ADAMTS18: variants seen among roughly 807,000 people sequenced by gnomAD.
The protein encoded by ADAMTS18 is ADAM metallopeptidase with thrombospondin type 1 motif 18.
Under a neutral mutation model 165.9 loss-of-function variants are expected in ADAMTS18, and 157 were observed. The observed-to-expected ratio is 0.95, with a 90% CI of 0.83 to 1.08. ADAMTS18 has a LOEUF of 1.08. ADAMTS18 is among the 50% of genes least tolerant of loss of function. ADAMTS18 has a pLI of 0.00. For missense variants in ADAMTS18, 2,040 were observed against 1,534.0 expected, an observed-to-expected ratio of 1.33 and a Z score of -5.51; for synonymous variants, 782 against 578.2, an observed-to-expected ratio of 1.35 and a Z score of -5.06.
chr16:77,375,925 C>G (rs1329194895), intron 3 of ADAMTS18, among the ~76,000 whole-genome samples: 3 of 76,528 alleles, frequency 3.9e-5, no homozygotes, highest in Non-Finnish European at 7.2e-5. Context: ...TTTTTTGAGA[C>G]GGAGTTTGGC....
At position 77,305,986 on chromosome 16, in the gene ADAMTS18, T is replaced by C. The variant is rs559561718; in HGVS notation, c.2533-5582A>G. On this transcript the variant is annotated intron_variant, in intron 16 of 22. Coordinates refer to ENST00000282849, the MANE Select transcript of ADAMTS18 (RefSeq NM_199355.4). The stretch of plus-strand genomic sequence containing the variant: ...TCAGCATTCCTGGAGAACACAAACA[T>C]GCTCAGGGTACAGGAGCACCGCATC... Among the ~76,000 whole-genome samples the C allele has an allele frequency of 6.7e-4, 102 of 152,282 alleles. 1 individual carries two copies. The highest frequency in any genetic ancestry group is 2.4e-3 in the African/African-American group (99 of 41,560).
chr16:77,394,955 A>G (rs2057237615), intron 3 of ADAMTS18, among the ~76,000 whole-genome samples: 1 of 152,126 alleles, frequency 6.6e-6, no homozygotes, highest in Admixed American at 6.5e-5. Context: ...TGTTCCTTCC[A>G]CCATTTCTAT....
intron 6 of ADAMTS18, 43 bp from the exon 7 acceptor site, chr16:77,362,307 A>G (rs1348473850): frequency 1.2e-6 from 2 of 1,605,968 alleles, no homozygotes; most frequent in African/African-American, 2.7e-5. Flanking sequence ...TTTGTCACAG[A>G]GATGAGAATG....
intron 9 of ADAMTS18, among the ~76,000 whole-genome samples, chr16:77,355,243 T>C (rs1277133666): frequency 6.6e-6 from 1 of 151,374 alleles, no homozygotes; most frequent in Non-Finnish European, 1.5e-5. Flanking sequence ...TATTTCAACT[T>C]TGGGTTAATT....
chr16:77,325,812 A>G, intron 13 of ADAMTS18, 54 bp downstream of exon 13: 1 of 1,548,226 alleles, frequency 6.5e-7, no homozygotes, highest in Non-Finnish European at 8.9e-7. Context: ...GTATTGGTCA[A>G]TCACATTATT....
intron 3 of ADAMTS18, among the ~76,000 whole-genome samples, chr16:77,385,232 A>G (rs1176816279): frequency 6.6e-6 from 1 of 152,148 alleles, no homozygotes; most frequent in Non-Finnish European, 1.5e-5. Context: ...TTGATATAAG[A>G]TTAGTATCCC....
intron 16 of ADAMTS18, among the ~76,000 whole-genome samples, chr16:77,316,373 G>T (rs915915262): frequency 2.6e-5 from 4 of 151,570 alleles, no homozygotes; most frequent in Admixed American, 2.6e-4. Context: ...TTCTGCCTCA[G>T]CCTGTTGAGT....
In ADAMTS18 at chr16:77,343,317, G is replaced by A. The variant is rs1489812791; in HGVS notation, c.1615-1518C>T. On this transcript the variant is annotated intron_variant, in intron 10 of 22. Transcript: ENST00000282849. ...TCGAACTCCCAACCTCAGGTGATCT[G>A]CCCGCCTTGGCCTCCCAAAGTGCTA... Among the ~76,000 whole-genome samples, 4 of 152,134 alleles carry A rather than the reference G, an allele frequency of 2.6e-5. No homozygotes were observed. The East Asian group carries it at 7.7e-4, about 29-fold the overall frequency.
In ADAMTS18 at chr16:77,335,963, G is replaced by A. The variant is rs557983913; in HGVS notation, c.1711-59C>T. The A allele has an allele frequency of 7.8e-5, 125 of 1,602,214 alleles. 1 individual carries two copies. The African/African-American group carries it at 1.6e-3, about 20-fold the overall frequency. On this transcript the variant is annotated intron_variant, in intron 11 of 22. Coordinates refer to ENST00000282849, the MANE Select transcript of ADAMTS18 (RefSeq NM_199355.4). ...GAGACCACCTGGGAAAGCGCAGGGA[G>A]TTGCCAACACCTGCACAGTAACAGG... is the stretch of plus-strand genomic sequence containing the variant.
chr16:77,411,046 C>T (rs1169898520), intron 3 of ADAMTS18, among the ~76,000 whole-genome samples: 2 of 152,182 alleles, frequency 1.3e-5, no homozygotes, highest in African/African-American at 4.8e-5. Flanking sequence ...GCCAATGAAA[C>T]ATGAATATCA....
Position 77,338,323 on chromosome 16 carries a change from C to T in ADAMTS18, c.1711-2419G>A, listed in dbSNP as rs560728118. Among the ~76,000 whole-genome samples the T allele has an allele frequency of 2.0e-5, 3 of 152,226 alleles. No homozygotes were observed. The South Asian group carries it at 6.2e-4, about 32-fold the overall frequency. Reference sequence around the variant, plus strand: ...CGATCTTGGCACACTGTAGCCTCCACCTCCCGGATTTAAGTAATTCTTGGG... The same window carrying T: ...CGATCTTGGCACACTGTAGCCTCCATCTCCCGGATTTAAGTAATTCTTGGG... On this transcript the variant is annotated intron_variant, in intron 11 of 22. Transcript: ENST00000282849.
rs760304370 is a variant in ADAMTS18, at chr16:77,341,772, G to A, written c.1642C>T (p.Arg548Ter). 24 of 1,612,980 alleles carry A rather than the reference G, an allele frequency of 1.5e-5. No individual in the cohort carries two copies. In the South Asian group the frequency reaches 2.1e-4, roughly 14 times the overall value. ...KDICKSLWCH[R>*]VGHRCETKFM... is the part of the protein sequence containing the mutation. ...TTGGTCTCACACCTGTGGCCTACTC[G>A]GTGGCACCAAAGTGATTTGCAAATA... Residue 548 changes from arginine (R) to a stop codon, truncating the protein, a stop_gained, in exon 11 of 23, where the codon CGA becomes TGA. Coordinates refer to ENST00000282849, the MANE Select transcript of ADAMTS18 (RefSeq NM_199355.4). LOFTEE classifies it high-confidence loss of function.
intron 6 of ADAMTS18, among the ~76,000 whole-genome samples, chr16:77,363,583 T>G (rs114089888): frequency 0.077 from 11,704 of 151,268 alleles, 1,115 homozygotes; most frequent in African/African-American, 0.22. Flanking sequence ...TGTATACATA[T>G]GCATATATAA....
intron 3 of ADAMTS18, among the ~76,000 whole-genome samples, chr16:77,415,480 T>A (rs1422475422): frequency 6.6e-6 from 1 of 152,184 alleles, no homozygotes; most frequent in Non-Finnish European, 1.5e-5. Flanking sequence ...CCTGGGATTA[T>A]CTTCCATCCT....
intron 3 of ADAMTS18, among the ~76,000 whole-genome samples, chr16:77,376,595 G>C (rs997771344): frequency 3.9e-5 from 6 of 152,178 alleles, no homozygotes; most frequent in African/African-American, 1.4e-4. Flanking sequence ...AACTCACATT[G>C]CTTCTTCCTG....
intron 7 of ADAMTS18, among the ~76,000 whole-genome samples, chr16:77,360,332 A>C (rs1180373265): frequency 3.3e-5 from 5 of 152,232 alleles, no homozygotes; most frequent in African/African-American, 1.2e-4. Flanking sequence ...ATAGCTTAGG[A>C]AACCAAAGCT....
intron 3 of ADAMTS18, among the ~76,000 whole-genome samples, chr16:77,409,189 C>G (rs1567547474): frequency 6.6e-6 from 1 of 151,940 alleles, no homozygotes; most frequent in Non-Finnish European, 1.5e-5. Context: ...ATTTGTGTAC[C>G]TTTCTAAACA....
intron 3 of ADAMTS18, among the ~76,000 whole-genome samples, chr16:77,397,942 T>A (rs907320229): frequency 1.3e-5 from 2 of 152,106 alleles, no homozygotes; most frequent in African/African-American, 4.8e-5. Flanking sequence ...TACTTGTGTA[T>A]CCTCCCTGAC....
intron 19 of ADAMTS18, 149 bp downstream of exon 19, chr16:77,294,773 AT>A: frequency 1.3e-6 from 1 of 776,792 alleles, no homozygotes; most frequent in Non-Finnish European, 2.1e-6. Context: ...CCTAAAGAAC[AT>A]TAGTTAAAAT....
Sources: gnomAD v4.1 joint callset for allele counts (sites outside exome capture counted in the v4.1 genomes callset) on GRCh38, gnomAD v4.1.1 for gene constraint, MANE v1.5 for transcripts, NCBI Gene and HGNC (gene_info 2026-07-23, HGNC 2026-07-21) for gene names.